CUL7: variants seen among roughly 807,000 people sequenced by gnomAD.
The protein encoded by CUL7 is cullin 7, also known as cullin-7.
In CUL7, 96 loss-of-function variants were observed where a neutral mutation model predicts 177.7. The observed-to-expected ratio is 0.54, with a 90% CI of 0.46 to 0.64. The LOEUF is 0.64. CUL7 is among the 30% of genes least tolerant of loss of function. The probability of loss-of-function intolerance (pLI) is 0.00; values close to 1 mark genes in which losing one functional copy is unlikely to be tolerated. For synonymous variants in CUL7, 824 were observed against 890.2 expected (o/e 0.93, Z 1.32); for missense variants, 1,893 against 2,187.9 (o/e 0.87, Z 2.69).
rs990467531 is a variant in CUL7 at position 43,051,906 on chromosome 6, C to T, written c.581-143G>A. ...TGCTTCAAAAGCTAAAATTTGCTAA[C>T]TTATACACATACACACACACACGCA... is the stretch of plus-strand genomic sequence containing the variant. On this transcript the variant is annotated intron_variant, in intron 2 of 25. Coordinates refer to ENST00000265348, the MANE Select transcript of CUL7 (RefSeq NM_014780.5). This position sits in a 1 kb window ranked among gnomAD's most constrained non-coding sequence, Gnocchi z 5.0. 4 of 1,122,050 alleles carry T rather than the reference C, an allele frequency of 3.6e-6. No individual in the cohort carries two copies. The highest frequency in any genetic ancestry group is 5.4e-6 in the Non-Finnish European group (4 of 744,114). 69.5% of individuals were successfully genotyped at this position (1,122,050 alleles called of 1,614,324 possible).
Position 43,046,358 on chromosome 6 carries a change from C to T in CUL7, c.2538G>A (p.Val846=). ...TGCTGGCCCGGTGCGGGTTGGAGGA[C>T]ACCTCCACCTTCTCCCAGCACTTGT... ...KEDKCWEKVE[V]SSNPHRASKL... The change falls in exon 12 of 26, where the codon GTG becomes GTA. Residue 846 remains valine (V), a synonymous_variant. Transcript: ENST00000265348. 1 of 1,614,178 alleles carries T rather than the reference C, an allele frequency of 6.2e-7. No individual in the cohort carries two copies. Among genetic ancestry groups the T allele is most frequent in the Non-Finnish European group, 8.5e-7 (1 of 1,180,034 alleles).
intron 25 of CUL7, 40 bp from the exon 26 acceptor site, chr6:43,038,051 C>A: frequency 6.4e-7 from 1 of 1,563,898 alleles, no homozygotes; most frequent in Admixed American, 1.8e-5. Flanking sequence ...AGTTTAGAGG[C>A]AGCTGACCCC....
chr6:43,046,450 G>T (rs769511307), intron 11 of CUL7, 43 bp from the exon 12 acceptor site: 5 of 1,614,196 alleles, frequency 3.1e-6, no homozygotes, highest in Non-Finnish European at 4.2e-6. Context: ...GTCAGGTAGG[G>T]TGTAGAGGGG....
Position 43,047,429 on chromosome 6 carries a change from G to T in CUL7, c.2170-322C>A, listed in dbSNP as rs188172256. Among the ~76,000 whole-genome samples the T allele has an allele frequency of 4.3e-3, 653 of 152,294 alleles. 3 individuals are homozygous for T. Among genetic ancestry groups the T allele is most frequent in the Non-Finnish European group, 4.6e-3 (312 of 68,030 alleles). ...GGCCCTACTGTCCCAAAAACCAGTT[G>T]TAGGGCTGTGTTTTGAGATGTTCAG... On this transcript the variant is annotated intron_variant, in intron 9 of 25. Transcript: ENST00000265348.
Position 43,050,371 on chromosome 6 carries a change from A to T in CUL7, c.1261T>A (p.Tyr421Asn). ...TCCAGCATGTGCCAGTGCACCCAAT[A>T]GGTGCGGCCTGTTGACTCCCAAAAT... ...QVFWESTGRT[Y>N]WVHWHMLEIL... The change falls in exon 5 of 26, where the codon TAT becomes AAT. Residue 421 changes from tyrosine (Y) to asparagine (N), a missense_variant. Around this residue, in one of 5 missense-constraint regions of CUL7, gnomAD observed 653 missense variants for 725.2 expected, o/e 0.90. Transcript: ENST00000265348. This position sits in a 1 kb window ranked among gnomAD's most constrained non-coding sequence, Gnocchi z 4.1. 6.2e-7 allele frequency: 1 copy of T among 1,614,102 alleles called. No individual in the cohort carries two copies. Among genetic ancestry groups the T allele is most frequent in the South Asian group, 1.1e-5 (1 of 91,082 alleles).
In CUL7 at chr6:43,038,676, C is replaced by A; in HGVS notation, c.4457G>T (p.Ser1486Ile). Reference protein sequence around the residue: ...LNDLKAVSVESLLAFSGLSAD... With the variant: ...LNDLKAVSVEILLAFSGLSAD... ...GGAGAGCCCTGAGAACGCCAGCAGA[C>A]TCTCCACAGAGACCGCCTTCAGAGA... The change falls in exon 24 of 26, where the codon AGT (serine) becomes ATT (isoleucine). Residue 1486 changes from serine to isoleucine, a missense_variant. Coordinates refer to ENST00000265348, the MANE Select transcript of CUL7 (RefSeq NM_014780.5). 1 of 1,614,084 alleles carries A rather than the reference C, an allele frequency of 6.2e-7. No individual in the cohort carries two copies. The highest frequency in any genetic ancestry group is 8.5e-7 in the Non-Finnish European group (1 of 1,180,020).
rs749808640 is a variant in CUL7 at position 43,038,950 on chromosome 6, C to A, written c.4332G>T (p.Arg1444Ser). 1.2e-6 allele frequency: 2 copies of A among 1,612,826 alleles called. No homozygotes were observed. The highest frequency in any genetic ancestry group is 1.7e-6 in the Non-Finnish European group (2 of 1,178,812). ...SHPALERGSQRRLQWTWLGWA... is the reference protein window; with the variant it reads ...SHPALERGSQSRLQWTWLGWA... ...AGCCCAGCCACGTCCACTGCAGTCG[C>A]CTCTGTGAGCCTCGCTCAAGGGCAG... is the stretch of plus-strand genomic sequence containing the variant. The change falls in exon 23 of 26, where the codon AGG (arginine) becomes AGT (serine). Residue 1444 changes from arginine to serine, a missense_variant. Arg to Ser is a moderately radical substitution (Grantham distance 110, BLOSUM62 -1). Coordinates refer to ENST00000265348, the MANE Select transcript of CUL7 (RefSeq NM_014780.5).
At chr6:43,044,934 T>G (rs764816765) in intron 15 of CUL7, 49 bp from the exon 16 acceptor site, 9 of 1,601,178 alleles carry the variant, frequency 5.6e-6, no homozygotes, top group Non-Finnish European at 6.8e-6. Context: ...GAAGCATATG[T>G]TATCTCAGTG....
chr6:43,044,827 C>T lies in CUL7; in HGVS notation c.3097G>A (p.Glu1033Lys), dbSNP rs543762437. Residue 1033 changes from glutamate to lysine, a missense_variant, in exon 16 of 26, where the codon GAG becomes AAG. Physicochemically the swap from Glu to Lys is moderately conservative, Grantham distance 56 (BLOSUM62 1). Coordinates refer to ENST00000265348, the MANE Select transcript of CUL7 (RefSeq NM_014780.5). Reference protein sequence around the residue: ...NFADRFLPDDEAAQALGKTCW... With the variant: ...NFADRFLPDDKAAQALGKTCW... Reference sequence around the variant, plus strand: ...GTCTTGCCCAGAGCTTGGGCAGCCTCGTCATCAGGGAGGAAGCGGTCAGCA... The same window carrying T: ...GTCTTGCCCAGAGCTTGGGCAGCCTTGTCATCAGGGAGGAAGCGGTCAGCA... The T allele has an allele frequency of 4.3e-5, 69 of 1,613,978 alleles. No homozygotes were observed. The African/African-American group carries it at 6.9e-4, about 16-fold the overall frequency.
At position 43,050,712 on chromosome 6, in the gene CUL7, C is replaced by A. The variant is rs1279714294; in HGVS notation, c.1233+256G>T. Among the ~76,000 whole-genome samples, 3 of 152,052 alleles carry A rather than the reference C, an allele frequency of 2.0e-5. No homozygotes were observed. Among genetic ancestry groups the A allele is most frequent in the African/African-American group, 7.2e-5 (3 of 41,396 alleles). On this transcript the variant is annotated intron_variant, in intron 4 of 25. Transcript: ENST00000265348. This position sits in a 1 kb window ranked among gnomAD's most constrained non-coding sequence, Gnocchi z 4.1. ...GGCCTCCACCACTCCATCTCCCTGA[C>A]CCTGACCTTTGGAGGAGTCTGGCTA... is the stretch of plus-strand genomic sequence containing the variant.
chr6:43,039,793 G>A (rs1288609175), intron 22 of CUL7, among the ~76,000 whole-genome samples: 2 of 136,484 alleles, frequency 1.5e-5, no homozygotes, highest in Non-Finnish European at 3.0e-5. Context: ...AGGCTAGAGT[G>A]CAGTGGCACG....
chr6:43,052,797 C>A lies in CUL7; in HGVS notation c.-8-1G>T. 1 of 1,601,940 alleles carries A rather than the reference C, an allele frequency of 6.2e-7. No homozygotes were observed. The highest frequency in any genetic ancestry group is 8.5e-7 in the Non-Finnish European group (1 of 1,179,786). The stretch of plus-strand genomic sequence containing the variant: ...CGGAGTTCTCCCACCATCCTGGCAC[C>A]TGGAGCACACAAGGAAAAGAGAACA... On this transcript the variant is annotated splice_acceptor_variant, in intron 1 of 25. Transcript: ENST00000265348. LOFTEE classifies it low-confidence loss of function (5UTR_SPLICE). This position sits in a 1 kb window ranked among gnomAD's most constrained non-coding sequence, Gnocchi z 4.5.
chr6:43,040,940 C>T lies in CUL7; in HGVS notation c.3781G>A (p.Ala1261Thr). ...TGGTAATAATGCTCAAAAGTGGTGG[C>T]TATCTCCAAGCCGGAGAAAATCAGG... Reference protein sequence around the residue: ...AVLIFSGLEIATTFEHYYQHY... With the variant: ...AVLIFSGLEITTTFEHYYQHY... Residue 1261 changes from alanine (A) to threonine (T), a missense_variant, in exon 20 of 26, where the codon GCC becomes ACC. Physicochemically the swap from Ala to Thr is moderately conservative, Grantham distance 58. Coordinates refer to ENST00000265348, the MANE Select transcript of CUL7 (RefSeq NM_014780.5). This position sits in a 1 kb window ranked among gnomAD's most constrained non-coding sequence, Gnocchi z 4.2. 1.2e-6 allele frequency: 2 copies of T among 1,613,280 alleles called. No homozygotes were observed. Among genetic ancestry groups the T allele is most frequent in the Non-Finnish European group, 1.7e-6 (2 of 1,179,632 alleles).
chr6:43,052,590 G>A lies in CUL7; in HGVS notation c.199C>T (p.Leu67=), dbSNP rs755521252. 1 of 1,614,230 alleles carries A rather than the reference G, an allele frequency of 6.2e-7. No homozygotes were observed. The highest frequency in any genetic ancestry group is 1.7e-5 in the Admixed American group (1 of 60,032). The change falls in exon 2 of 26, where the codon CTG becomes TTG. Residue 67 remains leucine (L), a synonymous_variant. Transcript: ENST00000265348. This position sits in a 1 kb window ranked among gnomAD's most constrained non-coding sequence, Gnocchi z 4.5. The part of the protein sequence containing the change: ...QVDCKAEHIL[L]WMSKDEIYAN... ...TAGATCTCATCCTTGGACATCCACA[G>A]CAGGATGTGCTCAGCCTTGCAGTCC...
intron 12 of CUL7, 56 bp downstream of exon 12, chr6:43,046,179 CA>C (rs1221211880): frequency 1.2e-6 from 2 of 1,613,552 alleles, no homozygotes; most frequent in Non-Finnish European, 1.7e-6. Context: ...AAAACAAACA[CA>C]GGGGCGTCAC....
Position 43,038,271 on chromosome 6 carries a change from C to G in CUL7, c.4769G>C (p.Cys1590Ser), listed in dbSNP as rs545197151. The change falls in exon 25 of 26, where the codon TGT (cysteine) becomes TCT (serine). Residue 1590 changes from cysteine to serine, a missense_variant. Coordinates refer to ENST00000265348, the MANE Select transcript of CUL7 (RefSeq NM_014780.5). Reference sequence around the variant, plus strand: ...ATTGTGCCCACCCCTGCCTACCAGACAGACAAGCTGGTCAATGTGCAGCCC... The same window carrying G: ...ATTGTGCCCACCCCTGCCTACCAGAGAGACAAGCTGGTCAATGTGCAGCCC... ...DEGLHIDQLV[C>S]LVLEAWQKGP... The G allele has an allele frequency of 1.2e-6, 2 of 1,614,184 alleles. No homozygotes were observed. The highest frequency in any genetic ancestry group is 2.2e-5 in the East Asian group (1 of 44,886).
chr6:43,052,482 C>T lies in CUL7; in HGVS notation c.307G>A (p.Asp103Asn), dbSNP rs1764502044. The T allele has an allele frequency of 2.5e-6, 4 of 1,614,056 alleles. No individual in the cohort carries two copies. The highest frequency in any genetic ancestry group is 3.4e-6 in the Non-Finnish European group (4 of 1,180,048). The change falls in exon 2 of 26, where the codon GAC (aspartate) becomes AAC (asparagine). Residue 103 changes from aspartate (D) to asparagine (N), a missense_variant. This residue lies in a region of CUL7 where 653 missense variants were observed against 725.2 expected (regional missense o/e 0.90). Transcript: ENST00000265348. This position sits in a 1 kb window ranked among gnomAD's most constrained non-coding sequence, Gnocchi z 4.5. ...QESAGEVGAL[D>N]KSVLEEMETD... ...TCCATCTCCTCCAGCACAGATTTGT[C>T]CAGGGCCCCAACCTCCCCTGCAGAC...
intron 9 of CUL7, among the ~76,000 whole-genome samples, chr6:43,047,660 G>A (rs920942246): frequency 6.6e-5 from 10 of 152,148 alleles, no homozygotes; most frequent in African/African-American, 2.2e-4. Context: ...GCTCTTGCAG[G>A]GGACTCTGGT....
At position 43,043,727 on chromosome 6, in the gene CUL7, G is replaced by T; in HGVS notation, c.3173-97C>A. 2 of 823,750 alleles carry T rather than the reference G, an allele frequency of 2.4e-6. No individual in the cohort carries two copies. Among genetic ancestry groups the T allele is most frequent in the Non-Finnish European group, 2.1e-6 (1 of 482,848 alleles). The allele number at this position is 823,750 out of a possible 1,614,324, so 51.0% of individuals were successfully genotyped here. ...GAGTGTGGAGATAGAGCAACTGGAC[G>T]GAATGATACAAGGAAGGGGGGCCAG... On this transcript the variant is annotated intron_variant, in intron 16 of 25. Coordinates refer to ENST00000265348, the MANE Select transcript of CUL7 (RefSeq NM_014780.5). The surrounding 1 kb of genome is among the most constrained non-coding windows in gnomAD (Gnocchi z 4.2).
Sources: gnomAD v4.1 joint callset for allele counts (sites outside exome capture counted in the v4.1 genomes callset) on GRCh38, gnomAD v4.1.1 for gene constraint, gnomAD v4.1.1 regional missense constraint, Gnocchi (gnomAD v3.1) non-coding constraint, MANE v1.5 for transcripts, NCBI Gene and HGNC (gene_info 2026-07-23, HGNC 2026-07-21) for gene names.